The following DYRK4 variants were observed in gnomAD, a reference collection of about 807,000 sequenced individuals.
The protein encoded by DYRK4 is dual specificity tyrosine phosphorylation regulated kinase 4.
A neutral mutation model predicts 68.3 loss-of-function variants in DYRK4; 64 were observed. That is an observed-to-expected ratio of 0.94 (90% CI 0.77 to 1.15). The LOEUF (loss-of-function observed/expected upper bound fraction) is 1.15. Among genes scored for constraint, DYRK4 ranks in the 50% most tolerant of loss-of-function variants. The probability of loss-of-function intolerance (pLI) is 0.00; values close to 1 mark genes in which losing one functional copy is unlikely to be tolerated. For synonymous variants in DYRK4, 274 were observed against 289.9 expected, an observed-to-expected ratio of 0.95 and a Z score of 0.56; for missense variants, 740 against 764.7, an observed-to-expected ratio of 0.97 and a Z score of 0.38.
chr12:4,599,248 C>T (rs1945052526), intron 9 of DYRK4, 82 bp downstream of exon 9: 1 of 1,245,740 alleles, frequency 8.0e-7, no homozygotes, highest in African/African-American at 1.5e-5. Flanking sequence ...ATCACAAACT[C>T]CAATCAAATA....
intron 2 of DYRK4, among the ~76,000 whole-genome samples, chr12:4,570,837 T>C (rs1257806165): frequency 6.6e-6 from 1 of 152,192 alleles, no homozygotes; most frequent in South Asian, 2.1e-4. Flanking sequence ...AGTGTGGCGC[T>C]CTCTCTAGTA....
intron 2 of DYRK4, among the ~76,000 whole-genome samples, chr12:4,588,587 C>G (rs987219320): frequency 6.6e-6 from 1 of 152,194 alleles, no homozygotes; most frequent in Admixed American, 6.5e-5. Flanking sequence ...AAGGCAATGG[C>G]CATTTTCTTT....
intron 2 of DYRK4, chr12:4,573,411 A>G: frequency 7.8e-7 from 1 of 1,284,896 alleles, no homozygotes; most frequent in Non-Finnish European, 1.0e-6. Flanking sequence ...TTTCCAATCA[A>G]AGAAAGGAGA....
In DYRK4 at chr12:4,591,078, G is replaced by A. The variant is rs755296451; in HGVS notation, c.325-82G>A. On this transcript the variant is annotated intron_variant, in intron 4 of 14. Transcript: ENST00000543431. The surrounding 1 kb of genome is among the most constrained non-coding windows in gnomAD (Gnocchi z 4.1). Reference sequence around the variant, plus strand: ...AGGTAAAGAGCCTGGCTGAAGGTGGGTGTCTTTGGTTAAATAAATGGTTTA... The same window carrying A: ...AGGTAAAGAGCCTGGCTGAAGGTGGATGTCTTTGGTTAAATAAATGGTTTA... 1.3e-6 allele frequency: 2 copies of A among 1,513,878 alleles called. No homozygotes were observed. Among genetic ancestry groups the A allele is most frequent in the South Asian group, 2.6e-5 (2 of 77,074 alleles). 93.8% of individuals were successfully genotyped at this position (1,513,878 alleles called of 1,614,324 possible). A position where few individuals can be genotyped will look rare whatever the true frequency, so the allele number is the denominator to read the frequency against.
intron 3 of DYRK4, chr12:4,590,040 T>C (rs1944935651): frequency 2.5e-6 from 2 of 790,004 alleles, no homozygotes; most frequent in Non-Finnish European, 3.2e-6. Context: ...TTTGTTCCCA[T>C]GGTAGTGATG....
chr12:4,562,227 G>T lies in DYRK4; in HGVS notation c.-19G>T. On this transcript the variant is annotated 5_prime_UTR_variant, in exon 1 of 15. Coordinates refer to ENST00000543431, the MANE Select transcript of DYRK4 (RefSeq NM_001394779.1). ...GCTCTCACAGCCTCCCGCAGCGGCG[G>T]GCGGTCAGCGCCGGCCTCATGCAGC... is the stretch of plus-strand genomic sequence containing the variant. The T allele has an allele frequency of 1.3e-6, 2 of 1,524,998 alleles. No homozygotes were observed. Among genetic ancestry groups the T allele is most frequent in the South Asian group, 1.2e-5 (1 of 82,890 alleles). 94.5% of individuals were successfully genotyped at this position (1,524,998 alleles called of 1,614,324 possible).
chr12:4,571,797 A>G (rs1427509248), intron 2 of DYRK4, among the ~76,000 whole-genome samples: 1 of 152,228 alleles, frequency 6.6e-6, no homozygotes, highest in East Asian at 1.9e-4. Flanking sequence ...CAGAAAATTT[A>G]AAATTATACT....
intron 2 of DYRK4, among the ~76,000 whole-genome samples, chr12:4,584,389 C>T (rs951669802): frequency 2.0e-5 from 3 of 151,988 alleles, no homozygotes; most frequent in Non-Finnish European, 4.4e-5. Context: ...CAGGTGTTGC[C>T]GGAAGAATCT....
chr12:4,585,051 C>T (rs1450163476), intron 2 of DYRK4, among the ~76,000 whole-genome samples: 1 of 152,138 alleles, frequency 6.6e-6, no homozygotes, highest in African/African-American at 2.4e-5. Context: ...ACTGGAGCAC[C>T]CCTCACCCGC....
At chr12:4,607,075 C>A (rs565489654) in intron 11 of DYRK4, among the ~76,000 whole-genome samples, 1 of 152,220 alleles carries the variant, frequency 6.6e-6, no homozygotes, top group African/African-American at 2.4e-5. Context: ...GGTGGTGGCC[C>A]ACCCCTAGTT....
At chr12:4,575,609 A>C (rs1447699594) in intron 2 of DYRK4, among the ~76,000 whole-genome samples, 2 of 151,822 alleles carry the variant, frequency 1.3e-5, no homozygotes, top group Admixed American at 1.3e-4. Context: ...GTGCCCAGCC[A>C]ATTTATTGTA....
chr12:4,591,312 G>T lies in DYRK4; in HGVS notation c.463+14G>T. On this transcript the variant is annotated intron_variant, in intron 5 of 14. Coordinates refer to ENST00000543431, the MANE Select transcript of DYRK4 (RefSeq NM_001394779.1). The surrounding 1 kb of genome is among the most constrained non-coding windows in gnomAD (Gnocchi z 4.1). Reference sequence around the variant, plus strand: ...TGACAGCGGCAGGTATGCCTTTGGGGCAGTAGCAGGGTGGGGAGGTGCTTA... The same window carrying T: ...TGACAGCGGCAGGTATGCCTTTGGGTCAGTAGCAGGGTGGGGAGGTGCTTA... The T allele has an allele frequency of 6.2e-7, 1 of 1,613,452 alleles. No homozygotes were observed. The highest frequency in any genetic ancestry group is 8.5e-7 in the Non-Finnish European group (1 of 1,179,688).
chr12:4,612,301 G>T (rs938690137), intron 13 of DYRK4, among the ~76,000 whole-genome samples: 18 of 152,166 alleles, frequency 1.2e-4, no homozygotes, highest in African/African-American at 4.3e-4. Context: ...TTCTAGGAAT[G>T]CTGGAAGACT....
At chr12:4,586,754 G>C (rs1453085681) in intron 2 of DYRK4, among the ~76,000 whole-genome samples, 1 of 139,706 alleles carries the variant, frequency 7.2e-6, no homozygotes, top group Non-Finnish European at 1.6e-5. Flanking sequence ...ACACCCCTTT[G>C]CTCTGTCAGC....
intron 2 of DYRK4, chr12:4,573,392 G>T (rs930650881): frequency 7.8e-7 from 1 of 1,288,826 alleles, no homozygotes; most frequent in East Asian, 5.5e-5. Flanking sequence ...GTGTTCATTG[G>T]TGCTTTAATT....
chr12:4,567,530 A>C (rs1426639148), intron 1 of DYRK4: 1 of 162,308 alleles, frequency 6.2e-6, no homozygotes, highest in Non-Finnish European at 1.3e-5. Flanking sequence ...AGAAGATGCA[A>C]ACATGGCCAA....
chr12:4,594,377 C>T (rs1461954220), intron 6 of DYRK4, among the ~76,000 whole-genome samples: 1 of 152,142 alleles, frequency 6.6e-6, no homozygotes, highest in Non-Finnish European at 1.5e-5. Flanking sequence ...GCGCCCGCCA[C>T]CACGCCTGGC....
At position 4,602,186 on chromosome 12, in the gene DYRK4, T is replaced by C. The variant is rs890619658; in HGVS notation, c.1126+2398T>C. ...ATGAACTTATTTTTCAGAAAAGTTT[T>C]ACTTACTCTGCTGTTCATGTCTTCA... On this transcript the variant is annotated intron_variant, in intron 10 of 14. Coordinates refer to ENST00000543431, the MANE Select transcript of DYRK4 (RefSeq NM_001394779.1). 5.1e-6 allele frequency: 4 copies of C among 781,094 alleles called. No homozygotes were observed. The African/African-American group carries it at 6.9e-5, about 13-fold the overall frequency. 48.4% of individuals were successfully genotyped at this position (781,094 alleles called of 1,614,324 possible).
chr12:4,563,468 G>C (rs1944648676), intron 1 of DYRK4, among the ~76,000 whole-genome samples: 1 of 152,248 alleles, frequency 6.6e-6, no homozygotes, highest in Non-Finnish European at 1.5e-5. Flanking sequence ...TCGTGAGTGT[G>C]TTGTGATGGC....
Sources: gnomAD v4.1 joint callset for allele counts (sites outside exome capture counted in the v4.1 genomes callset) on GRCh38, gnomAD v4.1.1 for gene constraint, Gnocchi (gnomAD v3.1) non-coding constraint, MANE v1.5 for transcripts, NCBI Gene and HGNC (gene_info 2026-07-23, HGNC 2026-07-21) for gene names.